The following RAB7A variants were observed in gnomAD, a reference collection of about 807,000 sequenced individuals.
RAB7A encodes the protein ras-related protein Rab-7a.
In RAB7A, 2 loss-of-function variants were observed where a neutral mutation model predicts 24.5. The observed-to-expected ratio is 0.08, with a 90% CI of 0.03 to 0.26. The LOEUF is 0.26. RAB7A is among the 10% of genes least tolerant of loss of function. The pLI, the probability that RAB7A is intolerant of heterozygous loss-of-function variation, is 1.00. For missense variants in RAB7A, 118 were observed against 255.7 expected (o/e 0.46, Z 3.67); for synonymous variants, 100 against 95.9 (o/e 1.04, Z -0.25).
Position 128,813,635 on chromosome 3 carries a change from A to C in RAB7A, c.*213A>C. ...CACACACACAGATCTGACGTAATCA[A>C]ACTCCAGCCCTTGCCCGTGATGGCT... On this transcript the variant is annotated 3_prime_UTR_variant, in exon 6 of 6. Coordinates refer to ENST00000265062, the MANE Select transcript of RAB7A (RefSeq NM_004637.6). The C allele has an allele frequency of 1.7e-6, 1 of 596,004 alleles. No homozygotes were observed. The highest frequency in any genetic ancestry group is 3.1e-6 in the Non-Finnish European group (1 of 323,148). The allele number at this position is 596,004 out of a possible 1,614,324, so 36.9% of individuals were successfully genotyped here.
At chr3:128,740,133 T>C (rs1336428093) in intron 1 of RAB7A, among the ~76,000 whole-genome samples, 1 of 152,040 alleles carries the variant, frequency 6.6e-6, no homozygotes, top group Non-Finnish European at 1.5e-5. Flanking sequence ...TCCCATCACT[T>C]TGGGAGGCCG....
At chr3:128,786,367 GTAT>G (rs1933341604) in intron 1 of RAB7A, among the ~76,000 whole-genome samples, 1 of 152,158 alleles carries the variant, frequency 6.6e-6, no homozygotes, top group African/African-American at 2.4e-5. Flanking sequence ...CAGTGCAGTA[GTAT>G]TATGTGACTT....
chr3:128,729,259 G>C (rs892200318), intron 1 of RAB7A, among the ~76,000 whole-genome samples: 1 of 151,936 alleles, frequency 6.6e-6, no homozygotes, highest in Admixed American at 6.6e-5. Flanking sequence ...AAAAAATTTT[G>C]GTTATTTGAT....
At chr3:128,798,270 C>T (rs551233142) in intron 3 of RAB7A, 26 of 557,788 alleles carry the variant, frequency 4.7e-5, no homozygotes, top group Middle Eastern at 3.7e-4. Context: ...ATCTCAGATA[C>T]GACTTGCTAA....
intron 1 of RAB7A, among the ~76,000 whole-genome samples, chr3:128,763,181 A>G (rs2070788817): frequency 7.9e-6 from 1 of 126,884 alleles, no homozygotes; most frequent in African/African-American, 3.1e-5. Flanking sequence ...GCTTGAGTAC[A>G]TTTAGCTTAT....
chr3:128,795,519 G>A (rs963282183), intron 2 of RAB7A, 99 bp downstream of exon 2: 11 of 1,122,214 alleles, frequency 9.8e-6, no homozygotes, highest in Admixed American at 1.7e-5. Context: ...TGCTTTCATA[G>A]TGAGGCTTAG....
At chr3:128,768,400 C>T (rs1225886020) in intron 1 of RAB7A, among the ~76,000 whole-genome samples, 1 of 152,138 alleles carries the variant, frequency 6.6e-6, no homozygotes, top group Non-Finnish European at 1.5e-5. Flanking sequence ...GTGCACAAGT[C>T]TCTGTCTAGA....
intron 1 of RAB7A, among the ~76,000 whole-genome samples, chr3:128,739,884 T>G (rs2070532350): frequency 6.6e-6 from 1 of 151,996 alleles, no homozygotes; most frequent in African/African-American, 2.4e-5. Flanking sequence ...GTGACCAACA[T>G]GGTAAAACCC....
chr3:128,774,333 G>T lies in RAB7A; in HGVS notation c.-8-21027G>T, dbSNP rs893117937. Among the ~76,000 whole-genome samples, 19 of 151,894 alleles carry T rather than the reference G, an allele frequency of 1.3e-4. No individual in the cohort carries two copies. The South Asian group carries it at 2.5e-3, about 20-fold the overall frequency. ...TAAATGCTATATGGCCAAAATTTTTGATTCCTTTGATCTTAACTCTTTGTG... is the reference window on the plus strand; with the variant it reads ...TAAATGCTATATGGCCAAAATTTTTTATTCCTTTGATCTTAACTCTTTGTG... On this transcript the variant is annotated intron_variant, in intron 1 of 5. Transcript: ENST00000265062.
intron 1 of RAB7A, among the ~76,000 whole-genome samples, chr3:128,760,630 C>G (rs1473153878): frequency 6.6e-6 from 1 of 152,158 alleles, no homozygotes; most frequent in Admixed American, 6.5e-5. Flanking sequence ...ATTGTCAAGC[C>G]TTTGTGTGGA....
chr3:128,803,576 T>C (rs986149959), intron 3 of RAB7A, among the ~76,000 whole-genome samples: 3 of 152,240 alleles, frequency 2.0e-5, no homozygotes, highest in Non-Finnish European at 4.4e-5. Context: ...GAGAAACTTA[T>C]CTCTGGACAT....
At chr3:128,787,924 G>T (rs1933374949) in intron 1 of RAB7A, among the ~76,000 whole-genome samples, 1 of 152,206 alleles carries the variant, frequency 6.6e-6, no homozygotes, top group Non-Finnish European at 1.5e-5. Context: ...TGTTGCCCAG[G>T]TTGGTCTCAA....
At chr3:128,747,795 TCTCA>T (rs1168684217) in intron 1 of RAB7A, among the ~76,000 whole-genome samples, 1 of 151,178 alleles carries the variant, frequency 6.6e-6, no homozygotes, top group African/African-American at 2.5e-5. Context: ...TTGAGACGAG[TCTCA>T]CTCTGTCTCC....
chr3:128,813,628 G>T lies in RAB7A; in HGVS notation c.*206G>T. The T allele has an allele frequency of 1.6e-6, 1 of 608,790 alleles. No homozygotes were observed. The allele number at this position is 608,790 out of a possible 1,614,324, so 37.7% of individuals were successfully genotyped here. ...GCACACACACACACACAGATCTGAC[G>T]TAATCAAACTCCAGCCCTTGCCCGT... On this transcript the variant is annotated 3_prime_UTR_variant, in exon 6 of 6. Coordinates refer to ENST00000265062, the MANE Select transcript of RAB7A (RefSeq NM_004637.6).
At chr3:128,752,901 A>G (rs987663895) in intron 1 of RAB7A, among the ~76,000 whole-genome samples, 2 of 152,126 alleles carry the variant, frequency 1.3e-5, no homozygotes, top group South Asian at 2.1e-4. Flanking sequence ...TGTACACTCA[A>G]AATATTCAAT....
intron 1 of RAB7A, among the ~76,000 whole-genome samples, chr3:128,739,285 G>A (rs939329916): frequency 4.6e-5 from 7 of 152,076 alleles, no homozygotes; most frequent in Admixed American, 3.9e-4. Context: ...TGAGGTGGGC[G>A]GATCACCTGA....
At chr3:128,749,324 A>T (rs1023257201) in intron 1 of RAB7A, 4 of 152,184 alleles carry the variant, frequency 2.6e-5, no homozygotes, top group African/African-American at 9.7e-5. Flanking sequence ...GACCTTCATT[A>T]TACTGAATAT....
intron 1 of RAB7A, among the ~76,000 whole-genome samples, chr3:128,787,133 T>C (rs1359581059): frequency 1.3e-5 from 2 of 152,156 alleles, no homozygotes; most frequent in Non-Finnish European, 2.9e-5. Flanking sequence ...TTTGATACCA[T>C]AGTTAGGGTG....
At chr3:128,731,574 T>C (rs182529125) in intron 1 of RAB7A, among the ~76,000 whole-genome samples, 13 of 152,360 alleles carry the variant, frequency 8.5e-5, no homozygotes, top group African/African-American at 3.1e-4. Context: ...CTGAAATAGC[T>C]GAGGCTGTAT....
Sources: gnomAD v4.1 joint callset for allele counts (sites outside exome capture counted in the v4.1 genomes callset) on GRCh38, gnomAD v4.1.1 for gene constraint, MANE v1.5 for transcripts, NCBI Gene and HGNC (gene_info 2026-07-23, HGNC 2026-07-21) for gene names.